Variants in KHDRBS1 observed in about 807,000 individuals in gnomAD.
KHDRBS1 encodes the protein KH domain-containing, RNA-binding, signal transduction-associated protein 1.
In KHDRBS1, 7 loss-of-function variants were observed where a neutral mutation model predicts 48.4. The observed-to-expected ratio is 0.14, with a 90% CI of 0.08 to 0.27. KHDRBS1 has a LOEUF of 0.27. Among genes scored for constraint, KHDRBS1 ranks in the 10% least tolerant of loss-of-function variants. The pLI, the probability that KHDRBS1 is intolerant of heterozygous loss-of-function variation, is 1.00. For synonymous variants in KHDRBS1, 241 were observed against 235.8 expected (o/e 1.02, Z -0.20); for missense variants, 458 against 601.2 (o/e 0.76, Z 2.49).
At chr1:32,044,327 A>G (rs529071769), downstream of KHDRBS1, among the ~76,000 whole-genome samples, 2 of 152,362 alleles carry the variant, frequency 1.3e-5, no homozygotes, top group South Asian at 4.1e-4. Context: ...ATGACAGTTC[A>G]GCCAACTCTG....
At chr1:32,044,925 T>G (rs1486533081), downstream of KHDRBS1, among the ~76,000 whole-genome samples, 1 of 152,210 alleles carries the variant, frequency 6.6e-6, no homozygotes, top group African/African-American at 2.4e-5. Context: ...ATGTTAAAAC[T>G]TTGCAAAACT....
Position 32,014,087 on chromosome 1 carries a change from G to T in KHDRBS1, c.92G>T (p.Arg31Leu). 1 of 1,458,036 alleles carries T rather than the reference G, an allele frequency of 6.9e-7. No individual in the cohort carries two copies. The highest frequency in any genetic ancestry group is 9.0e-7 in the Non-Finnish European group (1 of 1,109,302). The allele number at this position is 1,458,036 out of a possible 1,614,324, so 90.3% of individuals were successfully genotyped here. ...CCCTCCGGTGCCCACCCCTCGGTGC[G>T]TCAGACGCCGTCTCGGCAGCCGCCG... is the stretch of plus-strand genomic sequence containing the variant. Reference protein sequence around the residue: ...MDPSGAHPSVRQTPSRQPPLP... With the variant: ...MDPSGAHPSVLQTPSRQPPLP... The change falls in exon 1 of 9, where the codon CGT (arginine) becomes CTT (leucine). Residue 31 changes from arginine to leucine, a missense_variant. By Grantham distance (102) the Arg-to-Leu change is moderately radical (BLOSUM62 -2). Transcript: ENST00000327300.
At chr1:32,053,952 C>T (rs1259902522) in intron 10 of KHDRBS1, among the ~76,000 whole-genome samples, 3 of 151,998 alleles carry the variant, frequency 2.0e-5, no homozygotes, top group Non-Finnish European at 4.4e-5. Flanking sequence ...GGCGTGGTGG[C>T]GCATGCCTGT....
chr1:32,016,318 T>G (rs928634547), intron 1 of KHDRBS1, among the ~76,000 whole-genome samples: 1 of 152,080 alleles, frequency 6.6e-6, no homozygotes, highest in African/African-American at 2.4e-5. Context: ...TTATCCTCAC[T>G]TATACAGATG....
chr1:32,037,700 A>G (rs2124384758), intron 5 of KHDRBS1, 135 bp from the exon 6 acceptor site: 6 of 964,764 alleles, frequency 6.2e-6, no homozygotes, highest in Non-Finnish European at 9.7e-6. Context: ...TACCCTGTAC[A>G]TTCCTCTGTG....
In KHDRBS1 at chr1:32,042,923, AAAG is replaced by A. The variant is rs913234753; in HGVS notation, c.*303_*305del. 19 of 181,350 alleles carry A rather than the reference AAAG, an allele frequency of 1.0e-4. No individual in the cohort carries two copies. The highest frequency in any genetic ancestry group is 2.8e-4 in the African/African-American group (12 of 42,412). The allele number at this position is 181,350 out of a possible 1,614,324, so 11.2% of individuals were successfully genotyped here. ...AGAAGTGTACCTTTTATAATAAAAAAAAGAAGTTGAGTAAAAAAAAAAAACACA... is the reference window on the plus strand; with the variant it reads ...AGAAGTGTACCTTTTATAATAAAAAAAAGTTGAGTAAAAAAAAAAAACACA... On this transcript the variant is annotated 3_prime_UTR_variant, in exon 9 of 9. Transcript: ENST00000327300.
intron 10 of KHDRBS1, among the ~76,000 whole-genome samples, chr1:32,058,722 G>A (rs866589277): frequency 1.3e-5 from 2 of 152,160 alleles, no homozygotes; most frequent in African/African-American, 4.8e-5. Flanking sequence ...AGGATCGCTT[G>A]AGCCAAGGAA....
chr1:32,037,818 A>T lies in KHDRBS1; in HGVS notation c.906-17A>T. ...GTTTATAAAAAGCTCCATTTAAGAT[A>T]AACTTTCATTTTGTAGGGGCCGTGG... On this transcript the variant is annotated splice_polypyrimidine_tract_variant and intron_variant, in intron 5 of 8. Coordinates refer to ENST00000327300, the MANE Select transcript of KHDRBS1 (RefSeq NM_006559.3). 18 of 1,608,206 alleles carry T rather than the reference A, an allele frequency of 1.1e-5. No homozygotes were observed. Among genetic ancestry groups the T allele is most frequent in the Non-Finnish European group, 1.5e-5 (18 of 1,175,218 alleles).
rs186992818 is a variant in KHDRBS1 at position 32,037,059 on chromosome 1, A to G, written c.905+16A>G. The G allele has an allele frequency of 9.3e-6, 15 of 1,612,004 alleles. No homozygotes were observed. The highest frequency in any genetic ancestry group is 8.4e-5 in the Admixed American group (5 of 59,598). ...CTGTTCCCAGGTAAAAATAATGGAG[A>G]CACCCAGAAATAGGATGTGAATTTG... On this transcript the variant is annotated intron_variant, in intron 5 of 8. Transcript: ENST00000327300.
At chr1:32,057,712 T>C (rs1639495838) in intron 10 of KHDRBS1, among the ~76,000 whole-genome samples, 1 of 149,674 alleles carries the variant, frequency 6.7e-6, no homozygotes, top group African/African-American at 2.5e-5. Flanking sequence ...GGCAGGAGAA[T>C]GGCGTGAACC....
intron 1 of KHDRBS1, among the ~76,000 whole-genome samples, chr1:32,023,200 TC>T (rs1395107602): frequency 6.6e-6 from 1 of 151,906 alleles, no homozygotes; most frequent in Admixed American, 6.6e-5. Context: ...TGGGATAAAA[TC>T]TACAAAAAAA....
At chr1:32,014,876 C>A (rs1457432008) in intron 1 of KHDRBS1, among the ~76,000 whole-genome samples, 2 of 152,206 alleles carry the variant, frequency 1.3e-5, no homozygotes, top group Non-Finnish European at 2.9e-5. Context: ...CAGTGCCTTG[C>A]TGTCGCTGGG....
intron 8 of KHDRBS1, 53 bp from the exon 9 acceptor site, chr1:32,042,474 T>A: frequency 1.7e-6 from 2 of 1,202,060 alleles, no homozygotes; most frequent in South Asian, 2.5e-5. Flanking sequence ...TCCCTGCTTA[T>A]CCCTAAGTGC....
chr1:32,046,986 G>GA (rs1639365124), downstream of KHDRBS1, among the ~76,000 whole-genome samples: 1 of 152,166 alleles, frequency 6.6e-6, no homozygotes, highest in Non-Finnish European at 1.5e-5. Context: ...GTCTGAAGAA[G>GA]AAAAATGGAT....
intron 1 of KHDRBS1, 144 bp from the exon 2 acceptor site, chr1:32,030,154 C>G (rs1639054421): frequency 1.2e-5 from 7 of 574,844 alleles, no homozygotes; most frequent in Non-Finnish European, 1.5e-5. Context: ...AGCTTTAGTG[C>G]TTTCAGCTAG....
downstream of KHDRBS1, among the ~76,000 whole-genome samples, chr1:32,048,868 T>G (rs1203764267): frequency 6.6e-6 from 1 of 151,944 alleles, no homozygotes; most frequent in Non-Finnish European, 1.5e-5. Context: ...ACCAATCTAT[T>G]TATTCCCTCC....
At chr1:32,023,220 G>C (rs116389576) in intron 1 of KHDRBS1, among the ~76,000 whole-genome samples, 3 of 152,198 alleles carry the variant, frequency 2.0e-5, no homozygotes, top group African/African-American at 7.2e-5. Flanking sequence ...AAACAAAAGT[G>C]GGGGGTGGGA....
At chr1:32,042,207 AAGGTGTTGGGTATCTCC>A (rs1241486864) in intron 8 of KHDRBS1, among the ~76,000 whole-genome samples, 1 of 152,206 alleles carries the variant, frequency 6.6e-6, no homozygotes, top group African/African-American at 2.4e-5. Flanking sequence ...TATCTCAAGC[AAGGTGTTGGGTATCTCC>A]AGGTTTGGGG....
chr1:32,049,117 C>A (rs948686692), intron 10 of KHDRBS1, among the ~76,000 whole-genome samples: 1 of 150,378 alleles, frequency 6.6e-6, no homozygotes. Context: ...TGCAGTGGTG[C>A]GATCTCAGCT....
Sources: allele counts gnomAD v4.1 joint callset (sites outside exome capture counted in the v4.1 genomes callset), GRCh38; gene constraint gnomAD v4.1.1; transcripts MANE v1.5; gene names NCBI Gene and HGNC (gene_info 2026-07-23, HGNC 2026-07-21).